CEMIP2: variants seen among roughly 807,000 people sequenced by gnomAD.
CEMIP2 encodes the protein cell surface hyaluronidase CEMIP2.
Under a neutral mutation model 146.9 loss-of-function variants are expected in CEMIP2, and 79 were observed. The ratio of observed to expected loss-of-function variants is 0.54; its 90% CI spans 0.45 to 0.65. The LOEUF (loss-of-function observed/expected upper bound fraction) is 0.65. Among genes scored for constraint, CEMIP2 ranks in the 30% least tolerant of loss-of-function variants. The pLI is 0.00. For synonymous variants in CEMIP2, 601 were observed against 606.3 expected, an observed-to-expected ratio of 0.99 and a Z score of 0.13; for missense variants, 1,596 against 1,696.2, an observed-to-expected ratio of 0.94 and a Z score of 1.04.
chr9:71,746,100 G>C (rs1824078665), intron 3 of CEMIP2, 101 bp downstream of exon 3: 3 of 1,335,786 alleles, frequency 2.2e-6, no homozygotes, highest in Non-Finnish European at 3.1e-6. Flanking sequence ...ACAAACTAAA[G>C]CCTATTCTGC....
intron 12 of CEMIP2, among the ~76,000 whole-genome samples, chr9:71,721,078 A>G (rs1823218606): frequency 6.6e-6 from 1 of 152,022 alleles, no homozygotes; most frequent in Non-Finnish European, 1.5e-5. Context: ...ACACATTACT[A>G]TAAATATACA....
chr9:71,748,445 C>T (rs910845448), intron 2 of CEMIP2, among the ~76,000 whole-genome samples: 5 of 152,252 alleles, frequency 3.3e-5, no homozygotes, highest in South Asian at 4.1e-4. Context: ...CTGCACTTTA[C>T]ACTGCCAAAA....
At chr9:71,733,095 T>C (rs1174118669) in intron 6 of CEMIP2, among the ~76,000 whole-genome samples, 2 of 152,130 alleles carry the variant, frequency 1.3e-5, no homozygotes, top group African/African-American at 4.8e-5. Context: ...ATAAAACAAA[T>C]GGTGTGTAGA....
chr9:71,745,288 C>A lies in CEMIP2; in HGVS notation c.764G>T (p.Gly255Val). The A allele has an allele frequency of 6.2e-7, 1 of 1,614,006 alleles. No homozygotes were observed. The highest frequency in any genetic ancestry group is 8.5e-7 in the Non-Finnish European group (1 of 1,179,964). ...RTLNSSGLPF[G>V]SYTFEKDFSR... ...AAAGTCCTTTTCAAAGGTATAGGAC[C>A]CAAAGGGCAAGCCTGAGGAATTCAG... is the stretch of plus-strand genomic sequence containing the variant. Residue 255 changes from glycine (G) to valine (V), a missense_variant, in exon 4 of 24, where the codon GGG becomes GTG. Transcript: ENST00000377044.
chr9:71,692,233 G>A (rs928025198), intron 21 of CEMIP2, among the ~76,000 whole-genome samples: 1 of 151,400 alleles, frequency 6.6e-6, no homozygotes, highest in African/African-American at 2.4e-5. Flanking sequence ...AGAGTCCCAG[G>A]CACCCAGTGT....
At chr9:71,722,994 G>A (rs1181806001) in intron 11 of CEMIP2, among the ~76,000 whole-genome samples, 1 of 149,388 alleles carries the variant, frequency 6.7e-6, no homozygotes, top group Non-Finnish European at 1.5e-5. Flanking sequence ...AAACCTGAAG[G>A]ATGGAGAGAA....
At chr9:71,732,200 A>T in intron 7 of CEMIP2, 151 bp downstream of exon 7, 2 of 726,926 alleles carry the variant, frequency 2.8e-6, no homozygotes, top group Non-Finnish European at 4.3e-6. Flanking sequence ...ATTCTATTTT[A>T]ATCATCTAAA....
intron 16 of CEMIP2, among the ~76,000 whole-genome samples, chr9:71,711,692 A>G: frequency 6.6e-6 from 1 of 152,214 alleles, no homozygotes; most frequent in East Asian, 1.9e-4. Flanking sequence ...AGTCCCCCAG[A>G]AGAATAGCCC....
chr9:71,758,878 C>T (rs572570337), intron 1 of CEMIP2, among the ~76,000 whole-genome samples: 90 of 152,248 alleles, frequency 5.9e-4, no homozygotes, highest in Non-Finnish European at 1.1e-3. Flanking sequence ...TCCCACAAGG[C>T]GCATTCTCCA....
intron 12 of CEMIP2, among the ~76,000 whole-genome samples, chr9:71,718,926 T>C (rs926033057): frequency 6.6e-6 from 1 of 152,124 alleles, no homozygotes; most frequent in Non-Finnish European, 1.5e-5. Context: ...CTTCACCTTT[T>C]CTTTTTCTTC....
intron 10 of CEMIP2, among the ~76,000 whole-genome samples, chr9:71,726,707 T>C (rs765808288): frequency 1.3e-5 from 2 of 152,200 alleles, no homozygotes; most frequent in African/African-American, 2.4e-5. Flanking sequence ...CCAGAATGAA[T>C]GCCATGTGTA....
intron 21 of CEMIP2, among the ~76,000 whole-genome samples, chr9:71,693,590 A>G (rs1198531583): frequency 1.3e-5 from 2 of 152,262 alleles, no homozygotes; most frequent in Non-Finnish European, 2.9e-5. Flanking sequence ...AATAAGGTTA[A>G]TGAATAAACA....
intron 22 of CEMIP2, among the ~76,000 whole-genome samples, chr9:71,688,513 C>T (rs938953436): frequency 1.1e-4 from 16 of 151,748 alleles, no homozygotes; most frequent in Non-Finnish European, 1.9e-4. Flanking sequence ...CTCAGCCTCC[C>T]GAGTAGCTGG....
chr9:71,742,941 C>T (rs935033648), intron 4 of CEMIP2, among the ~76,000 whole-genome samples: 9 of 152,098 alleles, frequency 5.9e-5, no homozygotes, highest in African/African-American at 1.9e-4. Flanking sequence ...GAGCCTCGGC[C>T]GGGCACATGG....
At chr9:71,719,158 T>G (rs1213121621) in intron 12 of CEMIP2, among the ~76,000 whole-genome samples, 5 of 152,100 alleles carry the variant, frequency 3.3e-5, no homozygotes, top group Non-Finnish European at 1.5e-5. Flanking sequence ...AAATCACAGC[T>G]TTTCAGAAAC....
At chr9:71,716,464 A>G in intron 14 of CEMIP2, 53 bp downstream of exon 14, 1 of 1,408,342 alleles carries the variant, frequency 7.1e-7, no homozygotes, top group Non-Finnish European at 9.8e-7. Flanking sequence ...AAAAAAAATC[A>G]AGGGTTATTT....
chr9:71,709,921 CTA>C (rs945115933), intron 16 of CEMIP2, among the ~76,000 whole-genome samples: 2 of 152,128 alleles, frequency 1.3e-5, no homozygotes, highest in African/African-American at 4.8e-5. Context: ...AATAAAAAAT[CTA>C]TGATAAGTTA....
At chr9:71,709,181 G>T in intron 17 of CEMIP2, 78 bp downstream of exon 17, 1 of 1,328,522 alleles carries the variant, frequency 7.5e-7, no homozygotes, top group Non-Finnish European at 1.1e-6. Flanking sequence ...ACACTGAAAA[G>T]CTGAAGAGTA....
At chr9:71,705,943 A>G (rs1021689030) in intron 17 of CEMIP2, among the ~76,000 whole-genome samples, 2 of 151,874 alleles carry the variant, frequency 1.3e-5, no homozygotes, top group Admixed American at 1.3e-4. Flanking sequence ...AAAAGCACAT[A>G]TTCGGCCAGG....
Sources: gnomAD v4.1 joint callset for allele counts (sites outside exome capture counted in the v4.1 genomes callset) on GRCh38, gnomAD v4.1.1 for gene constraint, MANE v1.5 for transcripts, NCBI Gene and HGNC (gene_info 2026-07-23, HGNC 2026-07-21) for gene names.